Variants in ZEB1 observed in about 807,000 individuals in gnomAD.
The protein encoded by ZEB1 is zinc finger E-box-binding homeobox 1.
Under a neutral mutation model 84.9 loss-of-function variants are expected in ZEB1, and 21 were observed. The ratio of observed to expected loss-of-function variants is 0.25; its 90% CI spans 0.18 to 0.36. The LOEUF (loss-of-function observed/expected upper bound fraction) is 0.36, where lower values mean the gene tolerates loss of function less well. Ranked by LOEUF, ZEB1 falls within the 10% of genes least tolerant of loss-of-function variation. ZEB1 has a pLI of 1.00. For synonymous variants in ZEB1, 420 were observed against 471.1 expected, an observed-to-expected ratio of 0.89 and a Z score of 1.41; for missense variants, 1,104 against 1,330.2, an observed-to-expected ratio of 0.83 and a Z score of 2.65.
chr10:31,527,015 G>A lies in ZEB1; in HGVS notation c.3129G>A (p.Glu1043=), dbSNP rs781638819. Residue 1043 remains glutamate (E), a synonymous_variant, in exon 9 of 9, where the codon GAG becomes GAA. Transcript: ENST00000424869. The stretch of plus-strand genomic sequence containing the variant: ...AAGACAGTGAAAAAGAGGAAGAGGA[G>A]GAGGATAAAGAGATGGAAGAATTGC... The part of the protein sequence containing the change: ...EDEDSEKEEE[E]EDKEMEELQE... 1.3e-6 allele frequency: 2 copies of A among 1,598,848 alleles called. No homozygotes were observed. Among genetic ancestry groups the A allele is most frequent in the South Asian group, 2.2e-5 (2 of 89,410 alleles).
At chr10:31,507,496 T>C (rs1476679690) in intron 4 of ZEB1, among the ~76,000 whole-genome samples, 2 of 152,130 alleles carry the variant, frequency 1.3e-5, no homozygotes, top group Non-Finnish European at 2.9e-5. Flanking sequence ...TTATAGTTTC[T>C]TATATGTCAC....
At chr10:31,380,945 T>C (rs187630633) in intron 1 of ZEB1, among the ~76,000 whole-genome samples, 115 of 152,296 alleles carry the variant, frequency 7.6e-4, no homozygotes, top group African/African-American at 2.4e-3. Flanking sequence ...CTTTTGCCAG[T>C]TTTATTTGGT....
At chr10:31,378,606 A>G (rs1357154634) in intron 1 of ZEB1, among the ~76,000 whole-genome samples, 1 of 151,834 alleles carries the variant, frequency 6.6e-6, no homozygotes, top group African/African-American at 2.4e-5. Context: ...ACAAGTTTAT[A>G]AGAAAATTCA....
intron 1 of ZEB1, chr10:31,319,650 G>A (rs2033194320): frequency 1.1e-5 from 3 of 280,654 alleles, no homozygotes; most frequent in Admixed American, 5.5e-5. Flanking sequence ...CCCGGGTGGA[G>A]CGGCTGTTGC....
intron 2 of ZEB1, among the ~76,000 whole-genome samples, chr10:31,483,362 T>G (rs899675422): frequency 6.6e-6 from 1 of 152,000 alleles, no homozygotes; most frequent in Non-Finnish European, 1.5e-5. Flanking sequence ...GATGGTACAT[T>G]AAGTAATGGA....
chr10:31,449,186 C>T (rs1481686229), intron 1 of ZEB1, among the ~76,000 whole-genome samples: 1 of 152,242 alleles, frequency 6.6e-6, no homozygotes, highest in Non-Finnish European at 1.5e-5. Flanking sequence ...CCAGGTGCGT[C>T]TGTCACCCCT....
chr10:31,464,005 A>T (rs1235262553), intron 2 of ZEB1, among the ~76,000 whole-genome samples: 1 of 152,226 alleles, frequency 6.6e-6, no homozygotes, highest in Admixed American at 6.5e-5. Context: ...GAAAAATCAG[A>T]TGGTTATCTG....
chr10:31,473,984 T>G (rs1263565617), intron 2 of ZEB1, among the ~76,000 whole-genome samples: 1 of 152,114 alleles, frequency 6.6e-6, no homozygotes, highest in Non-Finnish European at 1.5e-5. Flanking sequence ...TAATAAATGG[T>G]TCTGGGAAAA....
At chr10:31,328,388 G>A (rs971949062) in intron 1 of ZEB1, among the ~76,000 whole-genome samples, 1 of 152,110 alleles carries the variant, frequency 6.6e-6, no homozygotes, top group Non-Finnish European at 1.5e-5. Flanking sequence ...TTTAAATGAA[G>A]CATATGACGC....
At chr10:31,508,410 C>G (rs2069357138) in intron 4 of ZEB1, among the ~76,000 whole-genome samples, 1 of 152,072 alleles carries the variant, frequency 6.6e-6, no homozygotes, top group Non-Finnish European at 1.5e-5. Context: ...GTGATTCACG[C>G]TGGTGTTGGC....
chr10:31,521,556 A>C lies in ZEB1; in HGVS notation c.2224A>C (p.Lys742Gln). The part of the protein sequence containing the change: ...QVEPLDLSLP[K>Q]QQGELLERST... ...AGAACCTCTTGATCTTTCACTACCA[A>C]AGCAACAGGGAGAATTATTAGAAAG... The change falls in exon 7 of 9, where the codon AAG becomes CAG. Residue 742 changes from lysine to glutamine, a missense_variant. Lys to Gln is a moderately conservative substitution (Grantham distance 53). Coordinates refer to ENST00000424869, the MANE Select transcript of ZEB1 (RefSeq NM_001174096.2). 1 of 1,614,094 alleles carries C rather than the reference A, an allele frequency of 6.2e-7. No homozygotes were observed. The highest frequency in any genetic ancestry group is 8.5e-7 in the Non-Finnish European group (1 of 1,180,002).
In ZEB1 at chr10:31,514,683, A is replaced by G. The variant is rs1237932272; in HGVS notation, c.768A>G (p.Leu256=). The G allele has an allele frequency of 6.2e-7, 1 of 1,612,624 alleles. No homozygotes were observed. The highest frequency in any genetic ancestry group is 8.5e-7 in the Non-Finnish European group (1 of 1,178,970). Residue 256 remains leucine (L), a synonymous_variant, in exon 6 of 9, where the codon CTA becomes CTG. Coordinates refer to ENST00000424869, the MANE Select transcript of ZEB1 (RefSeq NM_001174096.2). The stretch of plus-strand genomic sequence containing the variant: ...AAGCTTTCAAATACAAACATCACCT[A>G]AAAGAGCACTTAAGAATTCACAGTG... ...CGKAFKYKHH[L]KEHLRIHSGE...
At chr10:31,385,528 C>A (rs79461449) in intron 1 of ZEB1, among the ~76,000 whole-genome samples, 2 of 147,920 alleles carry the variant, frequency 1.4e-5, no homozygotes, top group Admixed American at 1.3e-4. Context: ...TTTTCTTTTT[C>A]TTTTCTTTTT....
At chr10:31,435,949 G>T (rs2058247966) in intron 1 of ZEB1, among the ~76,000 whole-genome samples, 1 of 152,158 alleles carries the variant, frequency 6.6e-6, no homozygotes, top group South Asian at 2.1e-4. Flanking sequence ...GAGGATTGTT[G>T]ATGATAGACG....
intron 1 of ZEB1, among the ~76,000 whole-genome samples, chr10:31,378,936 G>A (rs1420235747): frequency 6.6e-6 from 1 of 151,984 alleles, no homozygotes; most frequent in Non-Finnish European, 1.5e-5. Flanking sequence ...CAGTAGAAAT[G>A]CATTTACATT....
At chr10:31,378,173 A>G (rs1002541080) in intron 1 of ZEB1, among the ~76,000 whole-genome samples, 2 of 151,524 alleles carry the variant, frequency 1.3e-5, no homozygotes, top group African/African-American at 2.4e-5. Context: ...CACTACTCCT[A>G]AAAAGGCGGG....
In ZEB1 at chr10:31,528,870, A is replaced by G. The variant is rs1834632313; in HGVS notation, c.*1606A>G. ...TAAATGGGAATGTATTAGTTTTACAACTACAATCAAGTCATTTTACCTTTA... is the reference window on the plus strand; with the variant it reads ...TAAATGGGAATGTATTAGTTTTACAGCTACAATCAAGTCATTTTACCTTTA... On this transcript the variant is annotated 3_prime_UTR_variant, in exon 9 of 9. Coordinates refer to ENST00000424869, the MANE Select transcript of ZEB1 (RefSeq NM_001174096.2). The G allele has an allele frequency of 1.3e-5, 2 of 152,332 alleles. No homozygotes were observed. Among genetic ancestry groups the G allele is most frequent in the East Asian group, 1.9e-4 (1 of 5,190 alleles). The allele number at this position is 152,332 out of a possible 1,614,324, so 9.4% of individuals were successfully genotyped here. A position where few individuals can be genotyped will look rare whatever the true frequency, so the allele number is the denominator to read the frequency against.
chr10:31,487,303 G>T (rs1033556263), intron 2 of ZEB1, among the ~76,000 whole-genome samples: 7 of 151,202 alleles, frequency 4.6e-5, no homozygotes, highest in Non-Finnish European at 7.4e-5. Context: ...CTGAAATTTT[G>T]ATTTGATTTG....
At chr10:31,366,434 C>T (rs988710782) in intron 1 of ZEB1, among the ~76,000 whole-genome samples, 1 of 152,066 alleles carries the variant, frequency 6.6e-6, no homozygotes, top group Non-Finnish European at 1.5e-5. Flanking sequence ...GATTAGAAGC[C>T]GTGAGCCACT....
Sources: gnomAD v4.1 joint callset for allele counts (sites outside exome capture counted in the v4.1 genomes callset) on GRCh38, gnomAD v4.1.1 for gene constraint, MANE v1.5 for transcripts, NCBI Gene and HGNC (gene_info 2026-07-23, HGNC 2026-07-21) for gene names.